PDE7A: variants seen among roughly 807,000 people sequenced by gnomAD.
PDE7A encodes phosphodiesterase 7A.
Under a neutral mutation model 64.3 loss-of-function variants are expected in PDE7A, and 39 were observed. That is an observed-to-expected ratio of 0.61 (90% CI 0.47 to 0.79). The LOEUF (loss-of-function observed/expected upper bound fraction) is 0.79. Among genes scored for constraint, PDE7A ranks in the 30% least tolerant of loss-of-function variants. The pLI is 0.00. For synonymous variants in PDE7A, 203 were observed against 206.8 expected (o/e 0.98, Z 0.16); for missense variants, 470 against 582.8 (o/e 0.81, Z 1.99).
Position 65,782,805 on chromosome 8 carries a change from A to T in PDE7A, c.177T>A (p.Thr59=). Residue 59 remains threonine (T), a synonymous_variant, in exon 2 of 13, where the codon ACT becomes ACA. Transcript: ENST00000401827. ...TACCTAGCATACGAATGTATAATGC[A>T]GTCTGATCAGAACTGTCATAGGAAA... The part of the protein sequence containing the change: ...GAISYDSSDQ[T]ALYIRMLGDV... 47 of 1,590,314 alleles carry T rather than the reference A, an allele frequency of 3.0e-5. 1 individual carries two copies. Among genetic ancestry groups the T allele is most frequent in the Non-Finnish European group, 4.1e-5 (47 of 1,159,662 alleles).
chr8:65,830,358 A>G lies in PDE7A; in HGVS notation c.138+11013T>C, dbSNP rs147412156. 2.4e-3 allele frequency among the ~76,000 whole-genome samples: 358 copies of G among 152,186 alleles called. 1 individual carries two copies. Among genetic ancestry groups the G allele is most frequent in the African/African-American group, 8.3e-3 (345 of 41,564 alleles). On this transcript the variant is annotated intron_variant, in intron 1 of 12. Coordinates refer to ENST00000401827, the MANE Select transcript of PDE7A (RefSeq NM_001242318.3). ...GCTACCTGACAAAGCATTAAGAATA[A>G]TTTTGATTATGGATTATTTTGTTGT... is the stretch of plus-strand genomic sequence containing the variant.
chr8:65,755,001 C>A (rs1456364831), intron 3 of PDE7A, among the ~76,000 whole-genome samples: 2 of 149,942 alleles, frequency 1.3e-5, no homozygotes, highest in Admixed American at 6.7e-5. Flanking sequence ...TCCATCATTG[C>A]CTGTTTATTT....
At chr8:65,767,905 C>T (rs996893875) in intron 3 of PDE7A, among the ~76,000 whole-genome samples, 1 of 152,216 alleles carries the variant, frequency 6.6e-6, no homozygotes, top group Non-Finnish European at 1.5e-5. Context: ...CTGGGAACCG[C>T]AACCTGAAGC....
intron 1 of PDE7A, among the ~76,000 whole-genome samples, chr8:65,817,169 T>C (rs1391206224): frequency 2.0e-5 from 3 of 152,254 alleles, no homozygotes; most frequent in Non-Finnish European, 4.4e-5. Context: ...TTAAAACTTT[T>C]AACTTTGCAA....
intron 1 of PDE7A, among the ~76,000 whole-genome samples, chr8:65,786,014 T>C (rs1809547317): frequency 6.6e-6 from 1 of 152,156 alleles, no homozygotes; most frequent in South Asian, 2.1e-4. Context: ...GATAACACCA[T>C]GGCATACTAA....
intron 1 of PDE7A, among the ~76,000 whole-genome samples, chr8:65,820,007 G>A (rs1488249722): frequency 2.0e-5 from 3 of 152,168 alleles, no homozygotes; most frequent in Non-Finnish European, 4.4e-5. Flanking sequence ...TTACTTCATG[G>A]AGCAGAATAG....
chr8:65,741,173 T>G (rs1271466868), intron 5 of PDE7A, among the ~76,000 whole-genome samples: 2 of 152,236 alleles, frequency 1.3e-5, no homozygotes, highest in Non-Finnish European at 2.9e-5. Flanking sequence ...TTTTAACAAT[T>G]AAATAGACCA....
chr8:65,800,858 T>C (rs905057539), intron 1 of PDE7A, among the ~76,000 whole-genome samples: 1 of 152,172 alleles, frequency 6.6e-6, no homozygotes, highest in Non-Finnish European at 1.5e-5. Flanking sequence ...AAAAGAACAT[T>C]AGGTTCAAAC....
intron 6 of PDE7A, among the ~76,000 whole-genome samples, chr8:65,737,500 T>C (rs1286953531): frequency 6.6e-6 from 1 of 152,182 alleles, no homozygotes; most frequent in Non-Finnish European, 1.5e-5. Flanking sequence ...AAAATGGTTA[T>C]ATTAATTATT....
chr8:65,825,334 G>A (rs1280269905), intron 1 of PDE7A, among the ~76,000 whole-genome samples: 1 of 152,072 alleles, frequency 6.6e-6, no homozygotes, highest in Non-Finnish European at 1.5e-5. Flanking sequence ...AACAAACAAT[G>A]AATGTTTGCT....
chr8:65,779,871 A>G (rs1384674838), intron 2 of PDE7A, 68 bp from the exon 3 acceptor site: 2 of 943,420 alleles, frequency 2.1e-6, no homozygotes, highest in East Asian at 5.0e-5. Flanking sequence ...TCCATATGCA[A>G]CAAAGGTCCG....
At chr8:65,731,233 C>T (rs1373158285) in intron 7 of PDE7A, among the ~76,000 whole-genome samples, 1 of 152,136 alleles carries the variant, frequency 6.6e-6, no homozygotes, top group Non-Finnish European at 1.5e-5. Context: ...CTACTCAGAG[C>T]ATGAATAAGT....
At position 65,841,959 on chromosome 8, in the gene PDE7A, C is replaced by A. The variant is rs1365989975; in HGVS notation, c.-451G>T. ...CGCGGGACTCAGGAGCAGCGACCAG[C>A]TCGGGCCGCCGCCGCCGCCGCCGCC... is the stretch of plus-strand genomic sequence containing the variant. On this transcript the variant is annotated 5_prime_UTR_variant, in exon 1 of 13. Coordinates refer to ENST00000401827, the MANE Select transcript of PDE7A (RefSeq NM_001242318.3). The A allele has an allele frequency of 9.3e-5, 22 of 237,226 alleles. No individual in the cohort carries two copies. Among genetic ancestry groups the A allele is most frequent in the Non-Finnish European group, 8.5e-5 (11 of 129,554 alleles). The allele number at this position is 237,226 out of a possible 1,614,324, so 14.7% of individuals were successfully genotyped here.
At chr8:65,775,651 G>A (rs562764313) in intron 3 of PDE7A, among the ~76,000 whole-genome samples, 19 of 152,248 alleles carry the variant, frequency 1.2e-4, no homozygotes, top group South Asian at 2.1e-4. Flanking sequence ...TCTTTGAGAC[G>A]AAGTCTCGCT....
intron 4 of PDE7A, among the ~76,000 whole-genome samples, chr8:65,746,303 T>C (rs752457058): frequency 6.6e-5 from 10 of 152,180 alleles, no homozygotes; most frequent in Non-Finnish European, 1.2e-4. Context: ...TGCTCAGCTA[T>C]AAAGTGATAG....
At chr8:65,818,171 T>C (rs1168023616) in intron 1 of PDE7A, among the ~76,000 whole-genome samples, 10 of 152,200 alleles carry the variant, frequency 6.6e-5, no homozygotes, top group Admixed American at 6.5e-5. Context: ...AATTTAAGTC[T>C]TTACTAAATC....
intron 1 of PDE7A, among the ~76,000 whole-genome samples, chr8:65,805,600 A>G (rs1810090655): frequency 6.6e-6 from 1 of 152,160 alleles, no homozygotes; most frequent in South Asian, 2.1e-4. Context: ...GGGTCAAAAC[A>G]ACCTTCATGT....
intron 1 of PDE7A, among the ~76,000 whole-genome samples, chr8:65,839,100 G>A (rs989602811): frequency 1.3e-5 from 2 of 151,994 alleles, no homozygotes; most frequent in African/African-American, 4.8e-5. Context: ...TATTTATTAA[G>A]TACCTACTAT....
intron 1 of PDE7A, among the ~76,000 whole-genome samples, chr8:65,799,071 G>A (rs1271275058): frequency 2.6e-5 from 4 of 152,186 alleles, no homozygotes; most frequent in African/African-American, 9.7e-5. Flanking sequence ...AGTCAGATCA[G>A]TGGTTGTCTG....
Sources: allele counts gnomAD v4.1 joint callset (sites outside exome capture counted in the v4.1 genomes callset), GRCh38; gene constraint gnomAD v4.1.1; transcripts MANE v1.5; gene names NCBI Gene and HGNC (gene_info 2026-07-23, HGNC 2026-07-21).